The following NFAM1 variants were observed in gnomAD, a reference collection of about 807,000 sequenced individuals.
The protein encoded by NFAM1 is NFAT activating protein with ITAM motif 1.
In NFAM1, 17 loss-of-function variants were observed where a neutral mutation model predicts 29.0. The observed-to-expected ratio is 0.59, with a 90% CI of 0.40 to 0.88. The LOEUF is 0.88. Ranked by LOEUF, NFAM1 falls within the 40% of genes least tolerant of loss-of-function variation. The probability of loss-of-function intolerance (pLI) is 0.00; values close to 1 mark genes in which losing one functional copy is unlikely to be tolerated. For missense variants in NFAM1, 324 were observed against 344.6 expected (o/e 0.94, Z 0.47); for synonymous variants, 175 against 147.2 (o/e 1.19, Z -1.36).
At chr22:42,399,064 T>G (rs1929632470) in intron 3 of NFAM1, among the ~76,000 whole-genome samples, 1 of 152,098 alleles carries the variant, frequency 6.6e-6, no homozygotes, top group Non-Finnish European at 1.5e-5. Flanking sequence ...GGCAAGAAGT[T>G]CATTTAGCAA....
chr22:42,394,651 G>A (rs1569226736), intron 4 of NFAM1, among the ~76,000 whole-genome samples: 2 of 152,134 alleles, frequency 1.3e-5, no homozygotes, highest in Admixed American at 6.5e-5. Flanking sequence ...AATTAGAAAA[G>A]AAGAAAGATA....
intron 4 of NFAM1, among the ~76,000 whole-genome samples, chr22:42,395,837 C>T (rs541793021): frequency 0.011 from 1,550 of 141,706 alleles, 25 homozygotes; most frequent in African/African-American, 0.038. Context: ...GAGCCAAGAT[C>T]GTGCCACTGC....
upstream of NFAM1, among the ~76,000 whole-genome samples, chr22:42,434,731 T>A (rs1296487175): frequency 6.6e-6 from 1 of 152,234 alleles, no homozygotes; most frequent in Non-Finnish European, 1.5e-5. Context: ...CCCCAAAGGC[T>A]GAAGGCGGAG....
intron 4 of NFAM1, among the ~76,000 whole-genome samples, chr22:42,395,663 A>G (rs1039385932): frequency 1.3e-5 from 2 of 151,714 alleles, no homozygotes; most frequent in African/African-American, 4.8e-5. Context: ...TGGGCGGACC[A>G]CGAGGTCAGG....
chr22:42,391,116 C>T (rs751273647), intron 4 of NFAM1, among the ~76,000 whole-genome samples: 20 of 152,160 alleles, frequency 1.3e-4, no homozygotes, highest in Admixed American at 4.6e-4. Context: ...GGCAGTGTGA[C>T]GGTTTAGGGG....
chr22:42,417,851 C>T (rs1392921064), intron 1 of NFAM1, among the ~76,000 whole-genome samples: 2 of 152,144 alleles, frequency 1.3e-5, no homozygotes, highest in African/African-American at 2.4e-5. Context: ...GGTTGCCACA[C>T]GGTGTCTGGG....
chr22:42,411,019 C>CTTTTT (rs138369373), intron 2 of NFAM1, among the ~76,000 whole-genome samples: 732 of 121,420 alleles, frequency 6.0e-3, no homozygotes, highest in East Asian at 0.01. Context: ...CTTTTCTTTT[C>CTTTTT]TTTTTTTTTT....
chr22:42,435,814 TC>T (rs67613275), upstream of NFAM1, among the ~76,000 whole-genome samples: 14,637 of 131,792 alleles, frequency 0.11, 1,081 homozygotes, highest in African/African-American at 0.25. Flanking sequence ...CTTTTCTTCT[TC>T]TTTTTTTTTT....
chr22:42,401,737 G>A (rs1929733214), intron 3 of NFAM1, among the ~76,000 whole-genome samples: 1 of 152,150 alleles, frequency 6.6e-6, no homozygotes, highest in Non-Finnish European at 1.5e-5. Flanking sequence ...TGTGGTCCAA[G>A]TCTCCCCTCC....
intron 3 of NFAM1, among the ~76,000 whole-genome samples, chr22:42,402,254 G>A (rs1388330656): frequency 1.3e-5 from 2 of 152,194 alleles, no homozygotes; most frequent in East Asian, 1.9e-4. Context: ...CAAGGCTTGG[G>A]CCTGAGCATC....
rs531896535 is a variant in NFAM1, at chr22:42,393,988, C to T, written c.663+3870G>A. ...GAGTATTCCATATATGTCAATTAGGCCAAGTTTGTTGATCATGTTGATAAA... is the reference window on the plus strand; with the variant it reads ...GAGTATTCCATATATGTCAATTAGGTCAAGTTTGTTGATCATGTTGATAAA... On this transcript the variant is annotated intron_variant, in intron 4 of 5. Transcript: ENST00000329021. 9.9e-5 allele frequency among the ~76,000 whole-genome samples: 15 copies of T among 152,038 alleles called. No individual in the cohort carries two copies. The South Asian group carries it at 2.9e-3, about 29-fold the overall frequency.
At position 42,411,487 on chromosome 22, in the gene NFAM1, G is replaced by A. The variant is rs750244143; in HGVS notation, c.371C>T (p.Ser124Leu). 6.2e-6 allele frequency: 10 copies of A among 1,614,180 alleles called. No homozygotes were observed. The highest frequency in any genetic ancestry group is 2.2e-5 in the East Asian group (1 of 44,880). Reference protein sequence around the residue: ...CQVTLVLPGASATGTYYCSVH... With the variant: ...CQVTLVLPGALATGTYYCSVH... ...AGAGCAGTAGTAGGTGCCAGTGGCCGATGCTCCCGGCAGCACAAGGGTGAC... is the reference window on the plus strand; with the variant it reads ...AGAGCAGTAGTAGGTGCCAGTGGCCAATGCTCCCGGCAGCACAAGGGTGAC... Residue 124 changes from serine (S) to leucine (L), a missense_variant, in exon 2 of 6, where the codon TCG (serine) becomes TTG (leucine). Ser to Leu is a moderately radical substitution (Grantham distance 145). Coordinates refer to ENST00000329021, the MANE Select transcript of NFAM1 (RefSeq NM_145912.8).
chr22:42,399,443 T>A (rs1186690010), intron 3 of NFAM1, among the ~76,000 whole-genome samples: 1 of 98,202 alleles, frequency 1.0e-5, no homozygotes. Flanking sequence ...CGAGATCCCA[T>A]CTCAAAAAAA....
upstream of NFAM1, among the ~76,000 whole-genome samples, chr22:42,433,565 C>G (rs1930871261): frequency 6.6e-6 from 1 of 152,188 alleles, no homozygotes; most frequent in Non-Finnish European, 1.5e-5. Flanking sequence ...ATCATGAGAT[C>G]CATTTCAGTT....
intron 1 of NFAM1, among the ~76,000 whole-genome samples, chr22:42,427,655 T>C (rs994905273): frequency 2.0e-5 from 3 of 152,208 alleles, no homozygotes; most frequent in Admixed American, 1.3e-4. Context: ...GCTCTATCTA[T>C]AGCAACAAAA....
intron 4 of NFAM1, among the ~76,000 whole-genome samples, chr22:42,389,258 T>A (rs1332770324): frequency 6.6e-6 from 1 of 151,998 alleles, no homozygotes; most frequent in Non-Finnish European, 1.5e-5. Context: ...TGCCCTGGGA[T>A]GCTGCAGGCC....
At chr22:42,412,101 G>A (rs1320645441) in intron 1 of NFAM1, among the ~76,000 whole-genome samples, 1 of 152,128 alleles carries the variant, frequency 6.6e-6, no homozygotes, top group Non-Finnish European at 1.5e-5. Context: ...GTGTGGTAGT[G>A]TATGCCTGTA....
intron 1 of NFAM1, among the ~76,000 whole-genome samples, chr22:42,421,177 G>C (rs1016081000): frequency 6.9e-6 from 1 of 145,500 alleles, no homozygotes; most frequent in East Asian, 2.0e-4. Flanking sequence ...TGGGCTAGGC[G>C]CAGTGGCTCA....
intron 1 of NFAM1, among the ~76,000 whole-genome samples, chr22:42,424,293 T>C (rs1930548443): frequency 6.6e-6 from 1 of 151,998 alleles, no homozygotes; most frequent in African/African-American, 2.4e-5. Flanking sequence ...CAGGCGCCTG[T>C]AGTCCCAGCT....
Sources: allele counts gnomAD v4.1 joint callset (sites outside exome capture counted in the v4.1 genomes callset), GRCh38; gene constraint gnomAD v4.1.1; transcripts MANE v1.5; gene names NCBI Gene and HGNC (gene_info 2026-07-23, HGNC 2026-07-21).